ROBO2: variants seen among roughly 807,000 people sequenced by gnomAD.
The protein encoded by ROBO2 is roundabout homolog 2.
In ROBO2, 53 loss-of-function variants were observed where a neutral mutation model predicts 160.8. That is an observed-to-expected ratio of 0.33 (90% CI 0.26 to 0.41). The LOEUF (loss-of-function observed/expected upper bound fraction) is 0.41, where lower values mean the gene tolerates loss of function less well. Ranked by LOEUF, ROBO2 falls within the 10% of genes least tolerant of loss-of-function variation. The pLI, the probability that ROBO2 is intolerant of heterozygous loss-of-function variation, is 1.00. For synonymous variants in ROBO2, 664 were observed against 611.7 expected (o/e 1.09, Z -1.26); for missense variants, 1,577 against 1,722.4 (o/e 0.92, Z 1.49).
At chr3:75,926,044 T>A (rs976706094) in intron 1 of ROBO2, among the ~76,000 whole-genome samples, 2 of 152,178 alleles carry the variant, frequency 1.3e-5, no homozygotes, top group Non-Finnish European at 2.9e-5. Context: ...TGTAAACTGC[T>A]CACAGTAAAA....
At chr3:77,092,728 T>G (rs2070476954) in intron 1 of ROBO2, among the ~76,000 whole-genome samples, 1 of 149,200 alleles carries the variant, frequency 6.7e-6, no homozygotes, top group Non-Finnish European at 1.5e-5. Flanking sequence ...AGACATGATA[T>G]CAGTCACAAG....
chr3:77,181,310 C>T (rs1037964872), intron 2 of ROBO2, among the ~76,000 whole-genome samples: 6 of 151,982 alleles, frequency 3.9e-5, no homozygotes, highest in African/African-American at 1.5e-4. Context: ...ATTACTGTAC[C>T]AGGGATGAGA....
At chr3:76,135,794 A>T (rs1471811729) in intron 2 of ROBO2, among the ~76,000 whole-genome samples, 1 of 152,156 alleles carries the variant, frequency 6.6e-6, no homozygotes, top group Non-Finnish European at 1.5e-5. Context: ...GGACATCTAA[A>T]TAGCACTTTA....
At chr3:77,156,208 T>C (rs944157870) in intron 2 of ROBO2, among the ~76,000 whole-genome samples, 1 of 152,040 alleles carries the variant, frequency 6.6e-6, no homozygotes, top group Non-Finnish European at 1.5e-5. Context: ...ACCTTCAGTA[T>C]TGCTATAAAT....
At chr3:76,411,596 A>T (rs1291104728) in intron 2 of ROBO2, among the ~76,000 whole-genome samples, 1 of 151,728 alleles carries the variant, frequency 6.6e-6, no homozygotes, top group African/African-American at 2.4e-5. Context: ...TAGGGAAGAC[A>T]TTTTTTTTCC....
intron 2 of ROBO2, among the ~76,000 whole-genome samples, chr3:76,333,012 C>A (rs952333096): frequency 6.6e-6 from 1 of 152,158 alleles, no homozygotes; most frequent in African/African-American, 2.4e-5. Context: ...GGGTGACACC[C>A]AAGAATTTGC....
intron 2 of ROBO2, among the ~76,000 whole-genome samples, chr3:77,375,315 G>A (rs1305919495): frequency 6.6e-6 from 1 of 152,200 alleles, no homozygotes; most frequent in Non-Finnish European, 1.5e-5. Context: ...ACAATAGAAT[G>A]TCTTTCTTTT....
In ROBO2 at chr3:76,467,724, C is replaced by T. The variant is rs559214230; in HGVS notation, c.109+530122C>T. Among the ~76,000 whole-genome samples the T allele has an allele frequency of 6.3e-5, 8 of 127,876 alleles. No homozygotes were observed. The East Asian group carries it at 1.5e-3, about 25-fold the overall frequency. The allele number at this position is 127,876 out of a possible 152,430, so 83.9% of individuals were successfully genotyped here. A position where few individuals can be genotyped will look rare whatever the true frequency, so the allele number is the denominator to read the frequency against. ...ATGTGAACTGGTAAGAAAAGCAGAA[C>T]AACCTTTTTAGGTGTATTAAAATAC... On this transcript the variant is annotated intron_variant, in intron 2 of 26. Coordinates refer to the ROBO2 transcript ENST00000487694.
intron 2 of ROBO2, among the ~76,000 whole-genome samples, chr3:76,757,303 T>C (rs1196477016): frequency 6.6e-6 from 1 of 151,818 alleles, no homozygotes; most frequent in Non-Finnish European, 1.5e-5. Context: ...TGCAATTACA[T>C]GATACCCAGA....
intron 2 of ROBO2, among the ~76,000 whole-genome samples, chr3:75,964,352 T>C (rs920579679): frequency 2.6e-5 from 4 of 151,736 alleles, no homozygotes; most frequent in African/African-American, 7.2e-5. Context: ...AAAGCTTTTA[T>C]ATAGTTCCTT....
chr3:77,074,119 A>AC (rs1237541451), intron 1 of ROBO2, among the ~76,000 whole-genome samples: 1 of 152,236 alleles, frequency 6.6e-6, no homozygotes, highest in African/African-American at 2.4e-5. Flanking sequence ...TATCACTAGC[A>AC]CTGTGACTAC....
intron 2 of ROBO2, among the ~76,000 whole-genome samples, chr3:77,109,856 C>T (rs2073335482): frequency 1.3e-5 from 2 of 152,164 alleles, no homozygotes; most frequent in South Asian, 4.1e-4. Flanking sequence ...AATCATTTGA[C>T]ACTTAAAAGA....
intron 4 of ROBO2, among the ~76,000 whole-genome samples, chr3:77,486,198 T>C (rs2085331786): frequency 7.3e-6 from 1 of 137,012 alleles, no homozygotes; most frequent in Admixed American, 8.1e-5. Flanking sequence ...TTGGGTTGAT[T>C]CCATGTCTTT....
intron 2 of ROBO2, among the ~76,000 whole-genome samples, chr3:77,324,664 C>G (rs1396159191): frequency 1.8e-5 from 1 of 56,586 alleles, no homozygotes. Flanking sequence ...CCTGTAGTCC[C>G]CCAGCTACTC....
At chr3:76,790,374 T>C (rs2063280600) in intron 2 of ROBO2, among the ~76,000 whole-genome samples, 1 of 151,704 alleles carries the variant, frequency 6.6e-6, no homozygotes, top group African/African-American at 2.4e-5. Flanking sequence ...GAAGCCTTAA[T>C]GGTGTGGAAC....
At chr3:76,023,783 T>C (rs746531820) in intron 2 of ROBO2, among the ~76,000 whole-genome samples, 3 of 151,268 alleles carry the variant, frequency 2.0e-5, no homozygotes, top group Non-Finnish European at 1.5e-5. Flanking sequence ...GTTGGAAAAA[T>C]TGGTGTGAAT....
intron 2 of ROBO2, among the ~76,000 whole-genome samples, chr3:77,229,008 C>A (rs62253280): frequency 0.029 from 4,403 of 152,114 alleles, 71 homozygotes; most frequent in Middle Eastern, 0.054. Context: ...ATGTTTTGTC[C>A]CTAAGATATC....
chr3:77,119,993 G>T (rs528356140), intron 2 of ROBO2, among the ~76,000 whole-genome samples: 1 of 152,290 alleles, frequency 6.6e-6, no homozygotes, highest in Non-Finnish European at 1.5e-5. Flanking sequence ...CAGTAATTTT[G>T]AATGACTGTT....
chr3:76,619,329 G>A (rs889078356), intron 2 of ROBO2, among the ~76,000 whole-genome samples: 5 of 132,284 alleles, frequency 3.8e-5, no homozygotes, highest in Non-Finnish European at 8.1e-5. Flanking sequence ...GACAGAGCGA[G>A]ACTCCGTCTC....
Sources: allele counts gnomAD v4.1 joint callset (sites outside exome capture counted in the v4.1 genomes callset), GRCh38; gene constraint gnomAD v4.1.1; transcripts MANE v1.5; gene names NCBI Gene and HGNC (gene_info 2026-07-23, HGNC 2026-07-21).